The following PARM1 variants were observed in gnomAD, a reference collection of about 807,000 sequenced individuals.
PARM1 encodes prostate androgen-regulated mucin-like protein 1.
A neutral mutation model predicts 24.6 loss-of-function variants in PARM1; 14 were observed. The observed-to-expected ratio is 0.57, with a 90% confidence interval of 0.38 to 0.89. The LOEUF (loss-of-function observed/expected upper bound fraction) is 0.89. PARM1 is among the 40% of genes least tolerant of loss of function. PARM1 has a pLI of 0.00. For synonymous variants in PARM1, 179 were observed against 156.6 expected (o/e 1.14, Z -1.07); for missense variants, 362 against 380.4 (o/e 0.95, Z 0.40).
intron 1 of PARM1, among the ~76,000 whole-genome samples, chr4:74,955,029 G>A (rs1721604519): frequency 6.6e-6 from 1 of 152,072 alleles, no homozygotes; most frequent in South Asian, 2.1e-4. Context: ...TTTAAAAGGA[G>A]CACTAGATTA....
chr4:74,995,936 T>C (rs1047640674), intron 1 of PARM1, among the ~76,000 whole-genome samples: 3 of 152,170 alleles, frequency 2.0e-5, no homozygotes, highest in Admixed American at 6.5e-5. Context: ...CTGGATGATT[T>C]TTTTAGCCTT....
At chr4:74,963,725 A>G (rs922189818) in intron 1 of PARM1, among the ~76,000 whole-genome samples, 4 of 152,198 alleles carry the variant, frequency 2.6e-5, no homozygotes, top group Non-Finnish European at 2.9e-5. Flanking sequence ...TTGGAAATAG[A>G]TAGTGGCAAT....
At chr4:74,946,445 T>G (rs944013493) in intron 1 of PARM1, among the ~76,000 whole-genome samples, 1 of 152,208 alleles carries the variant, frequency 6.6e-6, no homozygotes, top group African/African-American at 2.4e-5. Context: ...TCTTGGGACT[T>G]ATTTAGGCCA....
At chr4:74,943,879 G>A (rs921763981) in intron 1 of PARM1, among the ~76,000 whole-genome samples, 1 of 152,204 alleles carries the variant, frequency 6.6e-6, no homozygotes, top group Non-Finnish European at 1.5e-5. Flanking sequence ...TTATAAGTTA[G>A]TCACTAATAA....
intron 3 of PARM1, 77 bp downstream of exon 3, chr4:75,034,038 C>G (rs1723324833): frequency 8.4e-7 from 1 of 1,185,002 alleles, no homozygotes; most frequent in Non-Finnish European, 1.2e-6. Context: ...TTGCTGGATA[C>G]TTGTTCCTTA....
At chr4:74,972,006 TC>T (rs1048575838) in intron 1 of PARM1, among the ~76,000 whole-genome samples, 14 of 152,200 alleles carry the variant, frequency 9.2e-5, no homozygotes, top group African/African-American at 3.4e-4. Context: ...CATATGTAGC[TC>T]CTTGAAGTTA....
chr4:75,002,912 C>T (rs1342390386), intron 1 of PARM1, among the ~76,000 whole-genome samples: 1 of 152,206 alleles, frequency 6.6e-6, no homozygotes, highest in Non-Finnish European at 1.5e-5. Flanking sequence ...CAGGCTAAGC[C>T]ATGGGCACAT....
chr4:74,967,711 C>A (rs1288728821), intron 1 of PARM1: 1 of 152,192 alleles, frequency 6.6e-6, no homozygotes, highest in African/African-American at 2.4e-5. Context: ...CAAAATCCAA[C>A]CAAATACATG....
At chr4:75,041,007 C>A (rs2109814667) in intron 3 of PARM1, among the ~76,000 whole-genome samples, 1 of 152,268 alleles carries the variant, frequency 6.6e-6, no homozygotes, top group East Asian at 1.9e-4. Context: ...CCACCCCACC[C>A]ACTTCTTCTA....
At chr4:74,976,615 A>T (rs1722141325) in intron 1 of PARM1, among the ~76,000 whole-genome samples, 1 of 152,224 alleles carries the variant, frequency 6.6e-6, no homozygotes, top group African/African-American at 2.4e-5. Context: ...GAGTACATTA[A>T]GTGGGTCACT....
chr4:74,939,031 T>G (rs1447511544), intron 1 of PARM1, among the ~76,000 whole-genome samples: 1 of 152,190 alleles, frequency 6.6e-6, no homozygotes, highest in Non-Finnish European at 1.5e-5. Context: ...CTAAGTACAT[T>G]CTATGCAATA....
intron 1 of PARM1, among the ~76,000 whole-genome samples, chr4:75,004,227 T>G (rs17000075): frequency 0.033 from 5,080 of 152,314 alleles, 288 homozygotes; most frequent in African/African-American, 0.12. Context: ...ATGTTTCTAC[T>G]CAATGAATAT....
At chr4:74,951,620 T>C (rs886239382) in intron 1 of PARM1, among the ~76,000 whole-genome samples, 2 of 152,012 alleles carry the variant, frequency 1.3e-5, no homozygotes, top group African/African-American at 4.8e-5. Context: ...CCCCAAATGA[T>C]GTTCCCCTCT....
intron 1 of PARM1, among the ~76,000 whole-genome samples, chr4:75,009,233 A>T (rs1722826015): frequency 6.6e-6 from 1 of 152,244 alleles, no homozygotes; most frequent in Non-Finnish European, 1.5e-5. Flanking sequence ...TTTTAAATAA[A>T]ATAAAGCCAA....
chr4:74,962,598 A>G lies in PARM1; in HGVS notation c.43+29228A>G, dbSNP rs369358628. On this transcript the variant is annotated intron_variant, in intron 1 of 3. Coordinates refer to ENST00000307428, the MANE Select transcript of PARM1 (RefSeq NM_015393.4). Reference sequence around the variant, plus strand: ...AAAGACACAAATAGGTTAAAAGTGAAAACATGGAAAAAAGTATGCCATGCA... The same window carrying G: ...AAAGACACAAATAGGTTAAAAGTGAGAACATGGAAAAAAGTATGCCATGCA... Among the ~76,000 whole-genome samples, 11 of 152,374 alleles carry G rather than the reference A, an allele frequency of 7.2e-5. No homozygotes were observed. The East Asian group carries it at 2.1e-3, about 29-fold the overall frequency.
At chr4:74,938,975 A>G (rs920195211) in intron 1 of PARM1, among the ~76,000 whole-genome samples, 4 of 152,212 alleles carry the variant, frequency 2.6e-5, no homozygotes, top group African/African-American at 7.2e-5. Context: ...GCAAATAAAA[A>G]CAAAGGTTGT....
At chr4:74,951,868 C>T (rs115010528) in intron 1 of PARM1, among the ~76,000 whole-genome samples, 3,402 of 152,202 alleles carry the variant, frequency 0.022, 126 homozygotes, top group African/African-American at 0.078. Context: ...TCCAAGTCTT[C>T]GCTATTCTGA....
At chr4:74,935,323 G>A (rs1178009951) in intron 1 of PARM1, among the ~76,000 whole-genome samples, 10 of 152,090 alleles carry the variant, frequency 6.6e-5, no homozygotes, top group African/African-American at 1.2e-4. Flanking sequence ...TCTTTAAGAC[G>A]TCAGTTTGTT....
chr4:74,990,907 T>C (rs551791119), intron 1 of PARM1, among the ~76,000 whole-genome samples: 6 of 152,260 alleles, frequency 3.9e-5, no homozygotes, highest in Admixed American at 1.3e-4. Flanking sequence ...TACTGTCATA[T>C]TTATGGAATG....
Sources: gnomAD v4.1 joint callset for allele counts (sites outside exome capture counted in the v4.1 genomes callset) on GRCh38, gnomAD v4.1.1 for gene constraint, MANE v1.5 for transcripts, NCBI Gene and HGNC (gene_info 2026-07-23, HGNC 2026-07-21) for gene names.